CYBA: variants seen among roughly 807,000 people sequenced by gnomAD.
CYBA encodes the protein cytochrome b-245 alpha chain.
CYBA carries 21 observed loss-of-function variants against 20.8 expected under a neutral mutation model. The ratio of observed to expected loss-of-function variants is 1.01; its 90% CI spans 0.72 to 1.46. CYBA has a LOEUF of 1.46. CYBA is among the 40% of genes most tolerant of loss of function. The probability of loss-of-function intolerance (pLI) is 0.00; values close to 1 mark genes in which losing one functional copy is unlikely to be tolerated. For missense variants in CYBA, 344 were observed against 287.0 expected, an observed-to-expected ratio of 1.20 and a Z score of -1.43; for synonymous variants, 164 against 127.5, an observed-to-expected ratio of 1.29 and a Z score of -1.93.
chr16:88,644,515 T>G (rs1907206182), intron 5 of CYBA, among the ~76,000 whole-genome samples: 1 of 152,190 alleles, frequency 6.6e-6, no homozygotes, highest in Non-Finnish European at 1.5e-5. Context: ...ATATGTGGAC[T>G]TCCTGCAACT....
At chr16:88,648,582 C>T (rs1597373100) in intron 1 of CYBA, among the ~76,000 whole-genome samples, 2 of 151,418 alleles carry the variant, frequency 1.3e-5, no homozygotes, top group South Asian at 4.2e-4. Context: ...TATTTCTGCA[C>T]ATTTTTGGGG....
intron 2 of CYBA, chr16:88,647,689 C>T (rs1907339704): frequency 4.8e-6 from 2 of 414,524 alleles, no homozygotes; most frequent in Non-Finnish European, 9.1e-6. Flanking sequence ...GGCGGCAGGG[C>T]TGAGATGGGG....
intron 1 of CYBA, among the ~76,000 whole-genome samples, chr16:88,649,908 G>A (rs937448657): frequency 1.3e-5 from 2 of 152,164 alleles, no homozygotes; most frequent in African/African-American, 2.4e-5. Flanking sequence ...GGGCAGGCAG[G>A]GTGAGTCTCA....
At chr16:88,645,085 C>T (rs1450493598) in intron 5 of CYBA, 11 of 673,602 alleles carry the variant, frequency 1.6e-5, no homozygotes, top group South Asian at 3.1e-5. Flanking sequence ...GCAGGGTGAA[C>T]GGTGCAGAGG....
At chr16:88,650,659 C>T (rs763666918) in intron 1 of CYBA, 2 of 591,974 alleles carry the variant, frequency 3.4e-6, no homozygotes, top group East Asian at 3.1e-5. Context: ...ACCGCCTCTT[C>T]CCCTGCGCTG....
At position 88,643,479 on chromosome 16, in the gene CYBA, G is replaced by C; in HGVS notation, c.462C>G (p.Asn154Lys). The C allele has an allele frequency of 1.3e-6, 2 of 1,532,642 alleles. No individual in the cohort carries two copies. Among genetic ancestry groups the C allele is most frequent in the South Asian group, 1.2e-5 (1 of 83,742 alleles). 94.9% of individuals were successfully genotyped at this position (1,532,642 alleles called of 1,614,324 possible). The change falls in exon 6 of 6, where the codon AAC becomes AAG. Residue 154 changes from asparagine to lysine, a missense_variant. Asn to Lys is a moderately conservative substitution (Grantham distance 94, BLOSUM62 0). Coordinates refer to ENST00000261623, the MANE Select transcript of CYBA (RefSeq NM_000101.4). The surrounding 1 kb of genome is among the most constrained non-coding windows in gnomAD (Gnocchi z 4.3). ...IGGTIKQPPS[N>K]PPPRPPAEAR... is the part of the protein sequence containing the mutation. ...CCTCGGCCGGGGGCCGCGGCGGGGGGTTGCTGGGCGGCTGCTTGATGGTGC... is the reference window on the plus strand; with the variant it reads ...CCTCGGCCGGGGGCCGCGGCGGGGGCTTGCTGGGCGGCTGCTTGATGGTGC...
At position 88,648,040 on chromosome 16, in the gene CYBA, G is replaced by A. The variant is rs749332805; in HGVS notation, c.128+5C>T. ...CGCCCACCCCAGCCTCAGGTGGAAG[G>A]ATACATGGAGTAGGCACCAAAGTAC... is the stretch of plus-strand genomic sequence containing the variant. On this transcript the variant is annotated splice_donor_5th_base_variant and intron_variant, in intron 2 of 5. Coordinates refer to ENST00000261623, the MANE Select transcript of CYBA (RefSeq NM_000101.4). The A allele has an allele frequency of 1.4e-5, 23 of 1,611,684 alleles. No individual in the cohort carries two copies. The highest frequency in any genetic ancestry group is 1.7e-5 in the Non-Finnish European group (20 of 1,179,392).
At chr16:88,650,265 A>G (rs1034333144) in intron 1 of CYBA, 1 of 414,142 alleles carries the variant, frequency 2.4e-6, no homozygotes, top group African/African-American at 2.0e-5. Flanking sequence ...GTGCTGGGCC[A>G]GACACTCCCT....
intron 4 of CYBA, chr16:88,646,498 C>T: frequency 1.4e-6 from 1 of 696,538 alleles, no homozygotes; most frequent in East Asian, 2.7e-5. Flanking sequence ...CCAGGCAAGA[C>T]CCCCCAGCAG....
intron 4 of CYBA, 90 bp downstream of exon 4, chr16:88,646,665 C>T: frequency 8.5e-7 from 1 of 1,180,766 alleles, no homozygotes; most frequent in Non-Finnish European, 1.3e-6. Context: ...GGGGGTGGCT[C>T]CTGTCCAGGC....
chr16:88,644,849 A>G lies in CYBA; in HGVS notation c.369+1267T>C, dbSNP rs1597371298. 3.9e-5 allele frequency: 15 copies of G among 388,256 alleles called. No homozygotes were observed. In the East Asian group the frequency reaches 7.0e-4, roughly 18 times the overall value. 24.1% of individuals were successfully genotyped at this position (388,256 alleles called of 1,614,324 possible). On this transcript the variant is annotated intron_variant, in intron 5 of 5. Transcript: ENST00000261623. Reference sequence around the variant, plus strand: ...CAAAAAAAAAAGAAGAAAAAGAAAAATACAAAAACCACAATAGAAAAATGG... The same window carrying G: ...CAAAAAAAAAAGAAGAAAAAGAAAAGTACAAAAACCACAATAGAAAAATGG...
rs758314115 is a variant in CYBA, at chr16:88,643,365, G to A, written c.576C>T (p.Asp192=). The change falls in exon 6 of 6, where the codon GAC becomes GAT. Residue 192 remains aspartate, a synonymous_variant. Coordinates refer to ENST00000261623, the MANE Select transcript of CYBA (RefSeq NM_000101.4). The surrounding 1 kb of genome is among the most constrained non-coding windows in gnomAD (Gnocchi z 4.3). The stretch of plus-strand genomic sequence containing the variant: ...GTCCGGGGCGAGGTCACACGACCTC[G>A]TCGGTCACCGGGATGGGGTTGACCT... ...GPQVNPIPVT[D]EVV 3.4e-5 allele frequency: 52 copies of A among 1,527,138 alleles called. No individual in the cohort carries two copies. In the East Asian group the frequency reaches 5.6e-4, roughly 16 times the overall value. The allele number at this position is 1,527,138 out of a possible 1,614,324, so 94.6% of individuals were successfully genotyped here.
At chr16:88,650,187 C>G (rs1907454875) in intron 1 of CYBA, 1 of 355,502 alleles carries the variant, frequency 2.8e-6, no homozygotes, top group Admixed American at 3.6e-5. Flanking sequence ...TCCCCCGGTG[C>G]AGGTCCTTCC....
At chr16:88,649,919 C>T (rs1370066158) in intron 1 of CYBA, among the ~76,000 whole-genome samples, 1 of 152,316 alleles carries the variant, frequency 6.6e-6, no homozygotes, top group South Asian at 2.1e-4. Context: ...GTGAGTCTCA[C>T]GGGGCAGCTC....
chr16:88,647,080 C>G (rs1907315193), intron 3 of CYBA, 21 bp downstream of exon 3: 1 of 1,605,394 alleles, frequency 6.2e-7, no homozygotes, highest in African/African-American at 1.3e-5. Context: ...CGGAGAGACC[C>G]CAGAGCAGGA....
In CYBA at chr16:88,643,561, C is replaced by T. The variant is rs755779683; in HGVS notation, c.380G>A (p.Arg127His). The T allele has an allele frequency of 9.1e-6, 14 of 1,533,086 alleles. No homozygotes were observed. The highest frequency in any genetic ancestry group is 1.4e-5 in the African/African-American group (1 of 72,928). The allele number at this position is 1,533,086 out of a possible 1,614,324, so 95.0% of individuals were successfully genotyped here. A position where few individuals can be genotyped will look rare whatever the true frequency, so the allele number is the denominator to read the frequency against. Residue 127 changes from arginine (R) to histidine (H), a missense_variant, in exon 6 of 6, where the codon CGT (arginine) becomes CAT (histidine). By Grantham distance (29) the Arg-to-His change is conservative (BLOSUM62 0). Transcript: ENST00000261623. This position sits in a 1 kb window ranked among gnomAD's most constrained non-coding sequence, Gnocchi z 4.3. ...CTCGATGGGCGTCCACTGCTCGCCA[C>T]GCACAGCCGCCTGCGGGGCACTGAA... ...ASGIYLLAAVRGEQWTPIEPK... is the reference protein window; with the variant it reads ...ASGIYLLAAVHGEQWTPIEPK...
chr16:88,647,880 G>T (rs1907345885), intron 2 of CYBA, 165 bp downstream of exon 2: 3 of 688,904 alleles, frequency 4.4e-6, no homozygotes, highest in East Asian at 2.7e-5. Flanking sequence ...TCCTGGCGAG[G>T]GGCCTGGCTG....
Position 88,643,921 on chromosome 16 carries a change from C to G in CYBA, c.370-350G>C, listed in dbSNP as rs921640996. 2.0e-5 allele frequency among the ~76,000 whole-genome samples: 3 copies of G among 152,188 alleles called. No homozygotes were observed. The highest frequency in any genetic ancestry group is 2.0e-4 in the Admixed American group (3 of 15,286). On this transcript the variant is annotated intron_variant, in intron 5 of 5. Coordinates refer to ENST00000261623, the MANE Select transcript of CYBA (RefSeq NM_000101.4). The surrounding 1 kb of genome is among the most constrained non-coding windows in gnomAD (Gnocchi z 4.3). ...GAAGGCAGGGAGGCAGGCCCGAGGTCCAGCAGGAGGGGTGGCCCAGGAGAG... is the reference window on the plus strand; with the variant it reads ...GAAGGCAGGGAGGCAGGCCCGAGGTGCAGCAGGAGGGGTGGCCCAGGAGAG...
At chr16:88,648,936 T>TA (rs1491241469) in intron 1 of CYBA, among the ~76,000 whole-genome samples, 1 of 133,548 alleles carries the variant, frequency 7.5e-6, no homozygotes, top group Non-Finnish European at 1.6e-5. Context: ...CTATTTTATT[T>TA]CTTTTTTTTT....
Sources: gnomAD v4.1 joint callset for allele counts (sites outside exome capture counted in the v4.1 genomes callset) on GRCh38, gnomAD v4.1.1 for gene constraint, Gnocchi (gnomAD v3.1) non-coding constraint, MANE v1.5 for transcripts, NCBI Gene and HGNC (gene_info 2026-07-23, HGNC 2026-07-21) for gene names.